The following HDAC7 variants were observed in gnomAD, a reference collection of about 807,000 sequenced individuals.
The protein encoded by HDAC7 is histone deacetylase 7.
Under a neutral mutation model 115.5 loss-of-function variants are expected in HDAC7, and 26 were observed. The ratio of observed to expected loss-of-function variants is 0.23; its 90% CI spans 0.16 to 0.31. HDAC7 has a LOEUF of 0.31. HDAC7 is among the 10% of genes least tolerant of loss of function. The probability of loss-of-function intolerance (pLI) is 1.00; values close to 1 mark genes in which losing one functional copy is unlikely to be tolerated. For synonymous variants in HDAC7, 564 were observed against 550.9 expected (o/e 1.02, Z -0.33); for missense variants, 1,068 against 1,329.0 (o/e 0.80, Z 3.05).
chr12:47,807,123 A>G (rs1235404550), intron 1 of HDAC7, among the ~76,000 whole-genome samples: 1 of 152,118 alleles, frequency 6.6e-6, no homozygotes, highest in African/African-American at 2.4e-5. Flanking sequence ...TATTTTTAGT[A>G]GAGACGGTGT....
At chr12:47,805,504 G>A (rs1185834108) in intron 1 of HDAC7, among the ~76,000 whole-genome samples, 1 of 152,230 alleles carries the variant, frequency 6.6e-6, no homozygotes, top group Non-Finnish European at 1.5e-5. Context: ...CGAGGTTGCT[G>A]TCTCTGGTTC....
In HDAC7 at chr12:47,791,264, C is replaced by T. The variant is rs1304215684; in HGVS notation, c.1978G>A (p.Val660Ile). The T allele has an allele frequency of 1.2e-6, 2 of 1,600,874 alleles. No individual in the cohort carries two copies. The highest frequency in any genetic ancestry group is 1.7e-6 in the Non-Finnish European group (2 of 1,173,912). The change falls in exon 16 of 26, where the codon GTT becomes ATT. Residue 660 changes from valine to isoleucine, a missense_variant. Physicochemically the swap from Val to Ile is conservative, Grantham distance 29. Coordinates refer to ENST00000080059, the MANE Select transcript of HDAC7 (RefSeq NM_015401.5). ...AGACCCCTGGGCACACTTACCCCAA[C>T]CCCACCACAGGGCAGCATCACAAAC... ...RMFVMLPCGG[V>I]GVDTDTIWNE...
chr12:47,818,225 C>G (rs1225697148), intron 1 of HDAC7, among the ~76,000 whole-genome samples: 1 of 152,102 alleles, frequency 6.6e-6, no homozygotes, highest in Non-Finnish European at 1.5e-5. Context: ...GAACACTGCA[C>G]CAGGACCATT....
chr12:47,802,635 C>G, intron 1 of HDAC7: 1 of 660,974 alleles, frequency 1.5e-6, no homozygotes, highest in Non-Finnish European at 2.6e-6. Flanking sequence ...CTCCCATCGC[C>G]CGAGGGAAAG....
At chr12:47,790,994 C>A in intron 16 of HDAC7, 2 of 566,702 alleles carry the variant, frequency 3.5e-6, no homozygotes, top group Non-Finnish European at 3.1e-6. Flanking sequence ...TGGCCCTGCT[C>A]CTGAAACCTC....
rs1217908340 is a variant in HDAC7, at chr12:47,814,262, TC to T, written c.19+5504del. ...CTCCCTTGAGCCCTGTCCTCTCTGG[TC>T]CCAACCCCAGCCTTCCTTTCTGGTT... On this transcript the variant is annotated intron_variant, in intron 1 of 25. Coordinates refer to ENST00000080059, the MANE Select transcript of HDAC7 (RefSeq NM_015401.5). Among the ~76,000 whole-genome samples, 4 of 152,268 alleles carry T rather than the reference TC, an allele frequency of 2.6e-5. No individual in the cohort carries two copies. In the East Asian group the frequency reaches 7.7e-4, roughly 29 times the overall value.
Position 47,793,556 on chromosome 12 carries a change from C to G in HDAC7, c.1491G>C (p.Gly497=), listed in dbSNP as rs1167661917. Residue 497 remains glycine, a synonymous_variant, in exon 13 of 26, where the codon GGG becomes GGC. Transcript: ENST00000080059. This position sits in a 1 kb window ranked among gnomAD's most constrained non-coding sequence, Gnocchi z 4.5. ...VLLWEQQRLA[G]RLPRGSTGDT... ...CCCCGGTGCTGCCCCGGGGGAGCCG[C>G]CCAGCCAGTCGCTGCTGTTCCCAGA... 7 of 1,545,534 alleles carry G rather than the reference C, an allele frequency of 4.5e-6. No individual in the cohort carries two copies. Among genetic ancestry groups the G allele is most frequent in the Non-Finnish European group, 6.1e-6 (7 of 1,145,400 alleles).
At chr12:47,796,322 G>C in intron 7 of HDAC7, 24 bp from the exon 8 acceptor site, 9 of 1,561,830 alleles carry the variant, frequency 5.8e-6, no homozygotes, top group Non-Finnish European at 6.9e-6. Flanking sequence ...AGAGAGGGAA[G>C]TGCAGTCAGA....
At chr12:47,818,185 C>T (rs544047864) in intron 1 of HDAC7, among the ~76,000 whole-genome samples, 7 of 152,280 alleles carry the variant, frequency 4.6e-5, no homozygotes, top group Admixed American at 2.6e-4. Flanking sequence ...CAGAGACACC[C>T]GCCGAATAAG....
intron 1 of HDAC7, among the ~76,000 whole-genome samples, chr12:47,811,951 C>A (rs1454242885): frequency 6.6e-6 from 1 of 152,248 alleles, no homozygotes; most frequent in Non-Finnish European, 1.5e-5. Context: ...TCTTCCAGAG[C>A]CGCTGTGCTG....
rs73291230 is a variant in HDAC7, at chr12:47,787,477, C to T, written c.2453+235G>A. 0.14 allele frequency among the ~76,000 whole-genome samples: 21,073 copies of T among 152,278 alleles called. 1,698 individuals carry two copies. Among genetic ancestry groups the T allele is most frequent in the Non-Finnish European group, 0.18 (12,412 of 67,994 alleles). On this transcript the variant is annotated intron_variant, in intron 21 of 25. Coordinates refer to ENST00000080059, the MANE Select transcript of HDAC7 (RefSeq NM_015401.5). ...GTGCCAGCTCTGCTCACTCCACCAC[C>T]CACCTGCCAGCAATCAGTTTGACAT... is the stretch of plus-strand genomic sequence containing the variant.
chr12:47,799,280 G>A, intron 2 of HDAC7: 1 of 345,800 alleles, frequency 2.9e-6, no homozygotes, highest in Non-Finnish European at 5.2e-6. Context: ...GCCGGGGGCT[G>A]AGGGCTACAG....
chr12:47,785,919 G>T, intron 22 of HDAC7, 34 bp from the exon 23 acceptor site: 1 of 1,549,842 alleles, frequency 6.5e-7, no homozygotes, highest in Non-Finnish European at 8.7e-7. Flanking sequence ...GGGAGGGGCG[G>T]GAGTGGAGAG....
chr12:47,791,820 C>CCCCA, intron 14 of HDAC7, 51 bp downstream of exon 14: 1 of 1,581,762 alleles, frequency 6.3e-7, no homozygotes, highest in Non-Finnish European at 8.6e-7. Flanking sequence ...CCCTCCCCTC[C>CCCCA]CATGACTCCT....
chr12:47,789,502 C>T (rs749844923), intron 18 of HDAC7, 21 bp downstream of exon 18: 3 of 1,613,498 alleles, frequency 1.9e-6, no homozygotes, highest in South Asian at 1.1e-5. Context: ...TCATCCCACC[C>T]AGGTCTTCCC....
chr12:47,815,634 G>C (rs1944827647), intron 1 of HDAC7, among the ~76,000 whole-genome samples: 1 of 152,166 alleles, frequency 6.6e-6, no homozygotes, highest in Non-Finnish European at 1.5e-5. Context: ...TTAATTTTGA[G>C]ACAGTCTCAC....
chr12:47,791,293 C>T lies in HDAC7; in HGVS notation c.1949G>A (p.Arg650Gln), dbSNP rs539537344. 41 of 1,599,770 alleles carry T rather than the reference C, an allele frequency of 2.6e-5. No homozygotes were observed. The highest frequency in any genetic ancestry group is 1.1e-4 in the African/African-American group (8 of 74,570). Reference protein sequence around the residue: ...NGKLAGLLAQRMFVMLPCGGV... With the variant: ...NGKLAGLLAQQMFVMLPCGGV... The stretch of plus-strand genomic sequence containing the variant: ...ACCACAGGGCAGCATCACAAACATC[C>T]GCTGTGCCAGGAGCCCTGCGGGGAG... The change falls in exon 16 of 26, where the codon CGG becomes CAG. Residue 650 changes from arginine to glutamine, a missense_variant. Arg to Gln is a conservative substitution (Grantham distance 43, BLOSUM62 1). Coordinates refer to ENST00000080059, the MANE Select transcript of HDAC7 (RefSeq NM_015401.5).
At chr12:47,814,275 C>T (rs1399798598) in intron 1 of HDAC7, among the ~76,000 whole-genome samples, 1 of 152,234 alleles carries the variant, frequency 6.6e-6, no homozygotes, top group Non-Finnish European at 1.5e-5. Context: ...CAACCCCAGC[C>T]TTCCTTTCTG....
At chr12:47,799,023 G>T (rs780343857) in intron 2 of HDAC7, 51 bp from the exon 3 acceptor site, 3 of 1,275,858 alleles carry the variant, frequency 2.4e-6, no homozygotes, top group East Asian at 2.6e-5. Context: ...GTCCTCGGGG[G>T]CATGATACAG....
Sources: gnomAD v4.1 joint callset for allele counts (sites outside exome capture counted in the v4.1 genomes callset) on GRCh38, gnomAD v4.1.1 for gene constraint, Gnocchi (gnomAD v3.1) non-coding constraint, MANE v1.5 for transcripts, NCBI Gene and HGNC (gene_info 2026-07-23, HGNC 2026-07-21) for gene names.